The following GPC6 variants were observed in gnomAD, a reference collection of about 807,000 sequenced individuals.
The protein encoded by GPC6 is glypican 6, also known as glypican-6.
Under a neutral mutation model 55.2 loss-of-function variants are expected in GPC6, and 14 were observed. The observed-to-expected ratio is 0.25, with a 90% CI of 0.17 to 0.40. The LOEUF is 0.40. GPC6 is among the 10% of genes least tolerant of loss of function. The pLI is 1.00. For missense variants in GPC6, 641 were observed against 708.5 expected, an observed-to-expected ratio of 0.90 and a Z score of 1.08; for synonymous variants, 278 against 259.6, an observed-to-expected ratio of 1.07 and a Z score of -0.68.
chr13:94,319,986 C>T (rs1320845789), intron 6 of GPC6, among the ~76,000 whole-genome samples: 1 of 152,152 alleles, frequency 6.6e-6, no homozygotes, highest in Non-Finnish European at 1.5e-5. Flanking sequence ...TCTTTCTCTA[C>T]TCATCCAATA....
chr13:93,923,781 T>C (rs1358520129), intron 3 of GPC6, among the ~76,000 whole-genome samples: 1 of 152,244 alleles, frequency 6.6e-6, no homozygotes, highest in Non-Finnish European at 1.5e-5. Context: ...ACATGTACTT[T>C]ACACAATTAC....
intron 2 of GPC6, among the ~76,000 whole-genome samples, chr13:93,814,775 G>A (rs1288729264): frequency 6.6e-6 from 1 of 152,130 alleles, no homozygotes; most frequent in East Asian, 1.9e-4. Flanking sequence ...CTTGTGAAAG[G>A]TTAGTATTCT....
intron 1 of GPC6, among the ~76,000 whole-genome samples, chr13:93,228,027 A>G (rs2138996499): frequency 6.6e-6 from 1 of 152,262 alleles, no homozygotes; most frequent in Admixed American, 6.5e-5. Flanking sequence ...CAGTTTGCCC[A>G]GCGCCACAGT....
chr13:94,123,906 A>G (rs1293468098), intron 4 of GPC6, among the ~76,000 whole-genome samples: 1 of 152,090 alleles, frequency 6.6e-6, no homozygotes, highest in Non-Finnish European at 1.5e-5. Context: ...TAAATCACAG[A>G]ATGTTCTTAT....
chr13:93,412,854 G>T (rs908064696), intron 1 of GPC6, among the ~76,000 whole-genome samples: 1 of 152,150 alleles, frequency 6.6e-6, no homozygotes, highest in Non-Finnish European at 1.5e-5. Context: ...ATTTACTTGT[G>T]TGTGAATCCT....
At chr13:93,243,415 A>G (rs1876501773) in intron 1 of GPC6, among the ~76,000 whole-genome samples, 1 of 152,182 alleles carries the variant, frequency 6.6e-6, no homozygotes, top group Non-Finnish European at 1.5e-5. Context: ...CTAGTCAGCC[A>G]TCTAGAAAAG....
chr13:93,570,562 C>T (rs560596634), intron 2 of GPC6, among the ~76,000 whole-genome samples: 16 of 152,240 alleles, frequency 1.1e-4, no homozygotes, highest in Non-Finnish European at 1.6e-4. Context: ...AGAGCATATA[C>T]TAGGCATCAA....
chr13:93,594,283 C>T (rs996028804), intron 2 of GPC6, among the ~76,000 whole-genome samples: 14 of 151,730 alleles, frequency 9.2e-5, no homozygotes, highest in Admixed American at 9.2e-4. Context: ...AAGCTTAGTA[C>T]CCATTAGTTA....
At chr13:93,662,781 C>A (rs551240953) in intron 2 of GPC6, among the ~76,000 whole-genome samples, 1 of 152,060 alleles carries the variant, frequency 6.6e-6, no homozygotes, top group East Asian at 1.9e-4. Flanking sequence ...ATATCTTGAA[C>A]TTGATATTCT....
chr13:93,713,012 T>G (rs1883125884), intron 2 of GPC6, among the ~76,000 whole-genome samples: 1 of 151,534 alleles, frequency 6.6e-6, no homozygotes, highest in East Asian at 1.9e-4. Flanking sequence ...TCAAAAGAAT[T>G]GGCAATAAAT....
intron 3 of GPC6, among the ~76,000 whole-genome samples, chr13:93,960,032 G>T (rs142157831): frequency 6.6e-6 from 1 of 152,070 alleles, no homozygotes; most frequent in South Asian, 2.1e-4. Context: ...CCTCAGGCAC[G>T]TTTCTCTGTA....
At chr13:93,737,116 T>C (rs1228462025) in intron 2 of GPC6, among the ~76,000 whole-genome samples, 1 of 152,206 alleles carries the variant, frequency 6.6e-6, no homozygotes, top group Non-Finnish European at 1.5e-5. Flanking sequence ...TTACTTTGAA[T>C]GTGTGCTTCA....
At chr13:94,141,903 A>G (rs528267765) in intron 4 of GPC6, among the ~76,000 whole-genome samples, 2 of 152,302 alleles carry the variant, frequency 1.3e-5, no homozygotes, top group South Asian at 4.1e-4. Flanking sequence ...TTTAAATTGC[A>G]GTTGGAGAAT....
chr13:94,114,054 A>G (rs1025242552), intron 4 of GPC6, among the ~76,000 whole-genome samples: 1 of 121,808 alleles, frequency 8.2e-6, no homozygotes, highest in African/African-American at 3.0e-5. Context: ...ACTATTACCC[A>G]TTCACCCATT....
At position 94,257,392 on chromosome 13, in the gene GPC6, T is replaced by C. The variant is rs1466241403; in HGVS notation, c.878-28957T>C. On this transcript the variant is annotated intron_variant, in intron 4 of 8. Coordinates refer to ENST00000377047, the MANE Select transcript of GPC6 (RefSeq NM_005708.5). Reference sequence around the variant, plus strand: ...AGGAGTGGGTAGATCAGATCTTAGATGAAATGAGAGTCTCCTGGGTATCTG... The same window carrying C: ...AGGAGTGGGTAGATCAGATCTTAGACGAAATGAGAGTCTCCTGGGTATCTG... Among the ~76,000 whole-genome samples the C allele has an allele frequency of 6.0e-4, 91 of 152,280 alleles. 1 individual carries two copies. The highest frequency in any genetic ancestry group is 1.2e-4 in the Non-Finnish European group (8 of 68,026).
At chr13:93,597,430 G>C (rs1877809413) in intron 2 of GPC6, among the ~76,000 whole-genome samples, 1 of 152,194 alleles carries the variant, frequency 6.6e-6, no homozygotes, top group Non-Finnish European at 1.5e-5. Context: ...ATAGCTGAAA[G>C]AACTAAGAAG....
In GPC6 at chr13:93,830,481, T is replaced by C. The variant is rs1447856512; in HGVS notation, c.647T>C (p.Ile216Thr). The C allele has an allele frequency of 1.2e-6, 2 of 1,613,900 alleles. No individual in the cohort carries two copies. The highest frequency in any genetic ancestry group is 1.1e-5 in the South Asian group (1 of 91,058). Residue 216 changes from isoleucine to threonine, a missense_variant, in exon 3 of 9, where the codon ATT (isoleucine) becomes ACT (threonine). Physicochemically the swap from Ile to Thr is moderately conservative, Grantham distance 89 (BLOSUM62 -1). Coordinates refer to ENST00000377047, the MANE Select transcript of GPC6 (RefSeq NM_005708.5). Reference protein sequence around the residue: ...KLKIQVTRAFIAARTFVQGLT... With the variant: ...KLKIQVTRAFTAARTFVQGLT... ...AAGATTCAGGTTACCCGCGCCTTCATTGCTGCCAGGACCTTTGTCCAGGGG... is the reference window on the plus strand; with the variant it reads ...AAGATTCAGGTTACCCGCGCCTTCACTGCTGCCAGGACCTTTGTCCAGGGG...
chr13:93,779,151 A>G (rs1885558865), intron 2 of GPC6, among the ~76,000 whole-genome samples: 3 of 152,160 alleles, frequency 2.0e-5, no homozygotes, highest in Non-Finnish European at 4.4e-5. Context: ...ATCACTTTCT[A>G]TGCCTATTCG....
chr13:93,736,888 A>G (rs1884023364), intron 2 of GPC6, among the ~76,000 whole-genome samples: 1 of 152,188 alleles, frequency 6.6e-6, no homozygotes, highest in Non-Finnish European at 1.5e-5. Context: ...GTCCAATAGC[A>G]TGAGAAATGC....
Sources: gnomAD v4.1 joint callset for allele counts (sites outside exome capture counted in the v4.1 genomes callset) on GRCh38, gnomAD v4.1.1 for gene constraint, MANE v1.5 for transcripts, NCBI Gene and HGNC (gene_info 2026-07-23, HGNC 2026-07-21) for gene names.